ABLIM2: variants seen among roughly 807,000 people sequenced by gnomAD.
ABLIM2 encodes actin binding LIM protein family member 2.
In ABLIM2, 53 loss-of-function variants were observed where a neutral mutation model predicts 97.7. The ratio of observed to expected loss-of-function variants is 0.54; its 90% confidence interval spans 0.44 to 0.68. ABLIM2 has a LOEUF of 0.68. Among genes scored for constraint, ABLIM2 ranks in the 30% least tolerant of loss-of-function variants. The pLI is 0.00. For synonymous variants in ABLIM2, 361 were observed against 345.8 expected (o/e 1.04, Z -0.49); for missense variants, 835 against 867.2 (o/e 0.96, Z 0.47).
intron 10 of ABLIM2, among the ~76,000 whole-genome samples, chr4:8,034,043 G>A (rs1037790164): frequency 7.9e-5 from 12 of 152,196 alleles, no homozygotes; most frequent in Admixed American, 6.5e-5. Flanking sequence ...GGCTTGAATC[G>A]CACGTCCCAG....
chr4:7,991,106 C>G (rs973706025), intron 17 of ABLIM2, among the ~76,000 whole-genome samples: 5 of 152,200 alleles, frequency 3.3e-5, no homozygotes, highest in Non-Finnish European at 5.9e-5. Flanking sequence ...TGAGGTTCTG[C>G]TCTCAATAGT....
chr4:8,143,340 T>TGAGCA (rs2152948993), intron 1 of ABLIM2, among the ~76,000 whole-genome samples: 1 of 152,260 alleles, frequency 6.6e-6, no homozygotes, highest in Non-Finnish European at 1.5e-5. Flanking sequence ...ACACTGTCAC[T>TGAGCA]GAGCACGTAC....
chr4:8,030,462 C>T (rs1560766904), intron 10 of ABLIM2, among the ~76,000 whole-genome samples: 1 of 152,202 alleles, frequency 6.6e-6, no homozygotes, highest in East Asian at 1.9e-4. Context: ...GTGGAGGTTG[C>T]AGTTTTGCCC....
Position 8,002,258 on chromosome 4 carries a change from C to A in ABLIM2, c.1618+5801G>T, listed in dbSNP as rs1757750755. 6.6e-6 allele frequency among the ~76,000 whole-genome samples: 1 copy of A among 152,154 alleles called. No individual in the cohort carries two copies. The highest frequency in any genetic ancestry group is 1.5e-5 in the Non-Finnish European group (1 of 68,030). Reference sequence around the variant, plus strand: ...GCTCTCCAAGCCAACATGAAGACACCCACCTGTTCTCATCCCATCTCTGAA... The same window carrying A: ...GCTCTCCAAGCCAACATGAAGACACACACCTGTTCTCATCCCATCTCTGAA... On this transcript the variant is annotated intron_variant, in intron 16 of 20. Transcript: ENST00000447017. This position sits in a 1 kb window ranked among gnomAD's most constrained non-coding sequence, Gnocchi z 6.1.
At chr4:8,014,907 C>CCTTCCGGCCTCCCTCTCTTCCACTTTT (rs1767729969) in intron 14 of ABLIM2, among the ~76,000 whole-genome samples, 3 of 149,768 alleles carry the variant, frequency 2.0e-5, no homozygotes, top group East Asian at 1.9e-4. Flanking sequence ...CACTTTTCTT[C>CCTTCCGGCCTCCCTCTCTTCCACTTTT]CTTCCTTCCT....
chr4:8,035,657 C>T (rs1374483777), intron 10 of ABLIM2, among the ~76,000 whole-genome samples: 1 of 152,222 alleles, frequency 6.6e-6, no homozygotes, highest in African/African-American at 2.4e-5. Flanking sequence ...ACGCCGTCCA[C>T]AGGCAGGCCA....
chr4:8,011,768 C>G (rs1007228658), intron 14 of ABLIM2, among the ~76,000 whole-genome samples: 1 of 152,138 alleles, frequency 6.6e-6, no homozygotes, highest in Non-Finnish European at 1.5e-5. Context: ...AGTGAGGAAC[C>G]CTCTTGGGAA....
Position 7,986,434 on chromosome 4 carries a change from A to G in ABLIM2, c.1681-1541T>C, listed in dbSNP as rs1744194784. The stretch of plus-strand genomic sequence containing the variant: ...CTAGAGTCAGGCTCACGAGTGGGGT[A>G]AGCACCCAGGCAGAGGACTGGAACT... On this transcript the variant is annotated intron_variant, in intron 17 of 20. Coordinates refer to ENST00000447017, the MANE Select transcript of ABLIM2 (RefSeq NM_001130083.2). The surrounding 1 kb of genome is among the most constrained non-coding windows in gnomAD (Gnocchi z 4.3). Among the ~76,000 whole-genome samples, 1 of 152,170 alleles carries G rather than the reference A, an allele frequency of 6.6e-6. No individual in the cohort carries two copies. The highest frequency in any genetic ancestry group is 1.9e-4 in the East Asian group (1 of 5,192).
rs1749770830 is a variant in ABLIM2 at position 7,992,631 on chromosome 4, G to C, written c.1680+235C>G. Among the ~76,000 whole-genome samples, 1 of 152,156 alleles carries C rather than the reference G, an allele frequency of 6.6e-6. No individual in the cohort carries two copies. Among genetic ancestry groups the C allele is most frequent in the African/African-American group, 2.4e-5 (1 of 41,442 alleles). ...CTCCCACACACTGAGCTCTCCCTGGGGTCGGGGGCAGGGAGGCAGAGTGGG... is the reference window on the plus strand; with the variant it reads ...CTCCCACACACTGAGCTCTCCCTGGCGTCGGGGGCAGGGAGGCAGAGTGGG... On this transcript the variant is annotated intron_variant, in intron 17 of 20. Coordinates refer to ENST00000447017, the MANE Select transcript of ABLIM2 (RefSeq NM_001130083.2). This position sits in a 1 kb window ranked among gnomAD's most constrained non-coding sequence, Gnocchi z 5.7.
Position 8,120,709 on chromosome 4 carries a change from G to C in ABLIM2, c.11-14072C>G, listed in dbSNP as rs998488477. The stretch of plus-strand genomic sequence containing the variant: ...GAGCACTTCTCAGCTTACAGTGCAG[G>C]TCCGTCCTGATGAACCCGGGGCAAG... On this transcript the variant is annotated intron_variant, in intron 1 of 20. Coordinates refer to ENST00000447017, the MANE Select transcript of ABLIM2 (RefSeq NM_001130083.2). This position sits in a 1 kb window ranked among gnomAD's most constrained non-coding sequence, Gnocchi z 5.6. Among the ~76,000 whole-genome samples the C allele has an allele frequency of 2.0e-5, 3 of 152,194 alleles. No individual in the cohort carries two copies. Among genetic ancestry groups the C allele is most frequent in the African/African-American group, 7.2e-5 (3 of 41,444 alleles).
intron 14 of ABLIM2, among the ~76,000 whole-genome samples, chr4:8,018,007 A>AG (rs2150803134): frequency 6.6e-6 from 1 of 151,404 alleles, no homozygotes; most frequent in East Asian, 1.9e-4. Context: ...AAAAAAAAAA[A>AG]GCACAAAGAC....
chr4:8,020,287 C>G lies in ABLIM2; in HGVS notation c.1284G>C (p.Arg428=), dbSNP rs778496423. Residue 428 remains arginine, a synonymous_variant, in exon 13 of 21, where the codon CGG becomes CGC. Coordinates refer to ENST00000447017, the MANE Select transcript of ABLIM2 (RefSeq NM_001130083.2). The stretch of plus-strand genomic sequence containing the variant: ...AGAGCACGGAGAGGCTGGGGGTGCT[C>G]CGGCCACTTTCACTGCCTCCAGACG... ...IPYFRGSESG[R]STPSLSVLSD... is the part of the protein sequence containing the mutation. 4.3e-6 allele frequency: 7 copies of G among 1,613,514 alleles called. No individual in the cohort carries two copies. The East Asian group carries it at 1.6e-4, about 36-fold the overall frequency.
rs1049157815 is a variant in ABLIM2, at chr4:8,023,821, C to T, written c.1268-3518G>A. On this transcript the variant is annotated intron_variant, in intron 12 of 20. Coordinates refer to ENST00000447017, the MANE Select transcript of ABLIM2 (RefSeq NM_001130083.2). This position sits in a 1 kb window ranked among gnomAD's most constrained non-coding sequence, Gnocchi z 5.7. The stretch of plus-strand genomic sequence containing the variant: ...GACTGACGGCTCTTGCTATTATACT[C>T]TAGTTTACAATCCAATGACACATCC... 1.3e-5 allele frequency among the ~76,000 whole-genome samples: 2 copies of T among 152,168 alleles called. No individual in the cohort carries two copies. Among genetic ancestry groups the T allele is most frequent in the African/African-American group, 4.8e-5 (2 of 41,458 alleles).
At chr4:7,985,287 C>T (rs971511730) in intron 17 of ABLIM2, among the ~76,000 whole-genome samples, 2 of 152,184 alleles carry the variant, frequency 1.3e-5, no homozygotes, top group Non-Finnish European at 1.5e-5. Context: ...CTAGGCACAG[C>T]GCTCTGCGGT....
At chr4:8,086,349 CTTT>C (rs1228215168) in intron 4 of ABLIM2, among the ~76,000 whole-genome samples, 2 of 122,980 alleles carry the variant, frequency 1.6e-5, no homozygotes, top group Admixed American at 8.4e-5. Flanking sequence ...TCCCCTCCCA[CTTT>C]TTTTTTTTTT....
At position 8,123,922 on chromosome 4, in the gene ABLIM2, C is replaced by A. The variant is rs1846644342; in HGVS notation, c.11-17285G>T. On this transcript the variant is annotated intron_variant, in intron 1 of 20. Coordinates refer to ENST00000447017, the MANE Select transcript of ABLIM2 (RefSeq NM_001130083.2). This position sits in a 1 kb window ranked among gnomAD's most constrained non-coding sequence, Gnocchi z 6.2. ...TTGGGTTCAATGACAAAAATAACTT[C>A]ATTTTGATGACCTAAGGAATGCTAC... Among the ~76,000 whole-genome samples, 1 of 152,186 alleles carries A rather than the reference C, an allele frequency of 6.6e-6. No homozygotes were observed. Among genetic ancestry groups the A allele is most frequent in the Non-Finnish European group, 1.5e-5 (1 of 68,022 alleles).
At chr4:7,976,925 A>C (rs1461883585) in intron 20 of ABLIM2, among the ~76,000 whole-genome samples, 1 of 152,146 alleles carries the variant, frequency 6.6e-6, no homozygotes, top group Non-Finnish European at 1.5e-5. Context: ...ACATACACAC[A>C]TACACACATA....
chr4:8,074,652 T>C (rs924027692), intron 6 of ABLIM2, among the ~76,000 whole-genome samples: 3 of 152,154 alleles, frequency 2.0e-5, no homozygotes, highest in Admixed American at 2.0e-4. Context: ...GAATATATCT[T>C]AGGAAAAATT....
intron 12 of ABLIM2, among the ~76,000 whole-genome samples, chr4:8,024,090 G>A (rs1312794570): frequency 3.3e-5 from 5 of 152,228 alleles, no homozygotes; most frequent in Non-Finnish European, 4.4e-5. Context: ...GCAAGATGAA[G>A]AGGCGCTGCC....
Sources: gnomAD v4.1 joint callset for allele counts (sites outside exome capture counted in the v4.1 genomes callset) on GRCh38, gnomAD v4.1.1 for gene constraint, Gnocchi (gnomAD v3.1) non-coding constraint, MANE v1.5 for transcripts, NCBI Gene and HGNC (gene_info 2026-07-23, HGNC 2026-07-21) for gene names.